The following KLRG1 variants were observed in gnomAD, a reference collection of about 807,000 sequenced individuals.
The protein encoded by KLRG1 is killer cell lectin-like receptor subfamily G member 1.
KLRG1 carries 16 observed loss-of-function variants against 21.8 expected under a neutral mutation model. The observed-to-expected ratio is 0.73, with a 90% confidence interval of 0.50 to 1.11. KLRG1 has a LOEUF of 1.11. KLRG1 is among the 50% of genes most tolerant of loss of function. The pLI is 0.00. For synonymous variants in KLRG1, 69 were observed against 75.9 expected (o/e 0.91, Z 0.47); for missense variants, 173 against 218.3 (o/e 0.79, Z 1.31).
At chr12:9,026,273 G>A in the KLRG1 span, among the ~76,000 whole-genome samples, 1 of 152,162 alleles carries the variant, frequency 6.6e-6, no homozygotes, top group Admixed American at 6.5e-5. Flanking sequence ...GAATAATAGT[G>A]TAGGAGATGA....
the KLRG1 span, chr12:9,107,449 G>C: frequency 1.3e-6 from 2 of 1,558,442 alleles, no homozygotes; most frequent in South Asian, 1.2e-5. Flanking sequence ...TCCTGCGTCA[G>C]AAAAATGCTG....
chr12:8,970,199 A>G (rs1176992330), intron 1 of KLRG1, among the ~76,000 whole-genome samples: 2 of 152,210 alleles, frequency 1.3e-5, no homozygotes, highest in African/African-American at 4.8e-5. Flanking sequence ...CTGGCTTGCC[A>G]TTTCTTTTGT....
At chr12:8,964,804 C>G (rs763719922) in intron 1 of KLRG1, among the ~76,000 whole-genome samples, 3,985 of 150,526 alleles carry the variant, frequency 0.026, 74 homozygotes, top group Non-Finnish European at 0.041. Context: ...CCTTCTTTGT[C>G]TCTTTTGATC....
chr12:9,113,504 C>G, the KLRG1 span: 2 of 1,613,810 alleles, frequency 1.2e-6, no homozygotes, highest in African/African-American at 1.3e-5. Context: ...TCTCAGTGGT[C>G]TCAGTGTGGA....
the KLRG1 span, chr12:9,197,006 A>G: frequency 1.0e-5 from 16 of 1,582,100 alleles, no homozygotes; most frequent in East Asian, 1.1e-4. Context: ...AATACCGCCT[A>G]CTAACCTGTT....
At chr12:9,042,073 C>T in the KLRG1 span, among the ~76,000 whole-genome samples, 3 of 152,094 alleles carry the variant, frequency 2.0e-5, no homozygotes, top group Non-Finnish European at 2.9e-5. Context: ...GAAAAAAGGT[C>T]GCTTGTGTAA....
intron 1 of KLRG1, among the ~76,000 whole-genome samples, chr12:8,954,878 G>A (rs753136834): frequency 2.0e-5 from 3 of 152,112 alleles, no homozygotes; most frequent in East Asian, 3.9e-4. Context: ...GGTTTCTCTT[G>A]TTAAGGCAAA....
chr12:9,165,903 A>G, the KLRG1 span: 43 of 864,960 alleles, frequency 5.0e-5, no homozygotes, highest in East Asian at 1.1e-3. Context: ...GAGCCTATGC[A>G]ATTGCGCATT....
At chr12:9,053,485 G>C in the KLRG1 span, among the ~76,000 whole-genome samples, 1 of 152,140 alleles carries the variant, frequency 6.6e-6, no homozygotes, top group Non-Finnish European at 1.5e-5. Context: ...TTGTTGAACT[G>C]CATGCTGGTA....
chr12:9,079,721 GT>G, the KLRG1 span: 8 of 1,613,592 alleles, frequency 5.0e-6, no homozygotes, highest in Non-Finnish European at 6.8e-6. Flanking sequence ...GTACATAGAT[GT>G]TAGGAGCAAA....
the KLRG1 span, chr12:9,027,862 A>G: frequency 1.1e-6 from 1 of 919,162 alleles, no homozygotes; most frequent in South Asian, 1.3e-5. Context: ...CTCCCACCAA[A>G]ACCACCTCCA....
chr12:9,027,449 C>T, the KLRG1 span: 1 of 661,274 alleles, frequency 1.5e-6, no homozygotes, highest in Non-Finnish European at 2.7e-6. Flanking sequence ...CTGTGCTTGG[C>T]TGAGTTCACA....
rs546889657 is a variant in KLRG1 at position 9,009,170 on chromosome 12, G to A, written c.458+95G>A. On this transcript the variant is annotated intron_variant, in intron 4 of 4. Transcript: ENST00000356986. The stretch of plus-strand genomic sequence containing the variant: ...GAATAGATAAAGAAGAGCAGATGGA[G>A]AGGAGAGGAAAGAATGAAAAGGAGA... 7.1e-4 allele frequency: 706 copies of A among 996,722 alleles called. 1 individual carries two copies. The highest frequency in any genetic ancestry group is 9.5e-4 in the Non-Finnish European group (641 of 675,666). 61.7% of individuals were successfully genotyped at this position (996,722 alleles called of 1,614,324 possible).
At chr12:9,135,417 T>G in the KLRG1 span, 1 of 353,838 alleles carries the variant, frequency 2.8e-6, no homozygotes, top group South Asian at 3.0e-5. Flanking sequence ...ATGTCTGTCC[T>G]GCAGAATTGG....
the KLRG1 span, chr12:9,162,360 G>A: frequency 5.4e-4 from 252 of 465,132 alleles, no homozygotes; most frequent in African/African-American, 4.6e-3. Flanking sequence ...AAAGGGCTAC[G>A]TATGAACCAA....
the KLRG1 span, chr12:9,153,046 C>A: frequency 6.2e-7 from 1 of 1,604,628 alleles, no homozygotes; most frequent in South Asian, 1.1e-5. Context: ...TTTACTTTCC[C>A]AGGAAGGAAG....
intron 1 of KLRG1, among the ~76,000 whole-genome samples, chr12:8,952,912 C>T (rs1946229052): frequency 6.6e-6 from 1 of 152,134 alleles, no homozygotes; most frequent in Non-Finnish European, 1.5e-5. Context: ...ATTGATCTTA[C>T]TTGACTTTGA....
At chr12:9,174,552 C>T in the KLRG1 span, among the ~76,000 whole-genome samples, 1 of 151,952 alleles carries the variant, frequency 6.6e-6, no homozygotes, top group Admixed American at 6.6e-5. Context: ...GATTTTATAT[C>T]TAGAAAACCC....
chr12:9,190,118 T>C, the KLRG1 span, among the ~76,000 whole-genome samples: 4 of 152,088 alleles, frequency 2.6e-5, no homozygotes, highest in Admixed American at 6.5e-5. Flanking sequence ...GAACTATCAT[T>C]TGACCCAAGA....
Sources: allele counts gnomAD v4.1 joint callset (sites outside exome capture counted in the v4.1 genomes callset), GRCh38; gene constraint gnomAD v4.1.1; transcripts MANE v1.5; gene names NCBI Gene and HGNC (gene_info 2026-07-23, HGNC 2026-07-21).